FGGY: variants seen among roughly 807,000 people sequenced by gnomAD.
FGGY encodes FGGY carbohydrate kinase domain-containing protein.
FGGY carries 72 observed loss-of-function variants against 71.3 expected under a neutral mutation model. That is an observed-to-expected ratio of 1.01 (90% CI 0.84 to 1.23). FGGY has a LOEUF of 1.23. Among genes scored for constraint, FGGY ranks in the 50% most tolerant of loss-of-function variants. The pLI, the probability that FGGY is intolerant of heterozygous loss-of-function variation, is 0.00. For synonymous variants in FGGY, 251 were observed against 250.3 expected (o/e 1.00, Z -0.02); for missense variants, 668 against 682.3 (o/e 0.98, Z 0.23).
chr1:59,347,241 C>T, intron 4 of FGGY, among the ~76,000 whole-genome samples: 1 of 102,264 alleles, frequency 9.8e-6, no homozygotes. Context: ...TGCTATCCCT[C>T]CCCCCTCCCC....
intron 8 of FGGY, among the ~76,000 whole-genome samples, chr1:59,558,032 C>T (rs1025848526): frequency 4.6e-5 from 7 of 152,156 alleles, no homozygotes; most frequent in South Asian, 2.1e-4. Context: ...GACATAGGCT[C>T]ATACGCTGCC....
intron 8 of FGGY, among the ~76,000 whole-genome samples, chr1:59,582,351 G>T (rs2153750874): frequency 6.7e-6 from 1 of 150,124 alleles, no homozygotes; most frequent in East Asian, 1.9e-4. Flanking sequence ...TCTGTCAGTT[G>T]GAATCATGTT....
chr1:59,607,991 C>A, intron 9 of FGGY, 81 bp downstream of exon 9: 1 of 1,146,818 alleles, frequency 8.7e-7, no homozygotes, highest in East Asian at 2.4e-5. Context: ...CCCATATACC[C>A]AATATCTGGA....
chr1:59,421,556 C>T (rs1314834548), intron 5 of FGGY, among the ~76,000 whole-genome samples: 2 of 150,292 alleles, frequency 1.3e-5, no homozygotes, highest in Non-Finnish European at 3.0e-5. Flanking sequence ...TCTTTTTTCC[C>T]TCCCCTCCTC....
At chr1:59,546,726 T>C (rs1212179281) in intron 7 of FGGY, among the ~76,000 whole-genome samples, 1 of 151,898 alleles carries the variant, frequency 6.6e-6, no homozygotes, top group African/African-American at 2.4e-5. Context: ...TTTGTATTTT[T>C]AGTAGAGACA....
chr1:59,697,069 CA>C (rs922752827), intron 14 of FGGY, among the ~76,000 whole-genome samples: 2 of 152,044 alleles, frequency 1.3e-5, no homozygotes, highest in Admixed American at 6.6e-5. Flanking sequence ...ACCTTTACTT[CA>C]AAAAATTTGA....
intron 14 of FGGY, among the ~76,000 whole-genome samples, chr1:59,675,545 T>G (rs1455649765): frequency 6.6e-6 from 1 of 152,236 alleles, no homozygotes; most frequent in Admixed American, 6.5e-5. Context: ...TGAATTCTTG[T>G]GGATTCTGAG....
At chr1:59,311,304 G>T (rs1445756673) in intron 1 of FGGY, among the ~76,000 whole-genome samples, 1 of 150,996 alleles carries the variant, frequency 6.6e-6, no homozygotes, top group East Asian at 1.9e-4. Flanking sequence ...GGATACATGT[G>T]TAGAACCTGC....
intron 11 of FGGY, among the ~76,000 whole-genome samples, chr1:59,658,692 G>T (rs1476134806): frequency 6.6e-6 from 1 of 152,188 alleles, no homozygotes; most frequent in African/African-American, 2.4e-5. Flanking sequence ...AACACGATCA[G>T]ATTTGCATTT....
At chr1:59,608,912 A>G (rs977290391) in intron 9 of FGGY, among the ~76,000 whole-genome samples, 1 of 152,242 alleles carries the variant, frequency 6.6e-6, no homozygotes, top group Non-Finnish European at 1.5e-5. Flanking sequence ...AAGGTACTTA[A>G]TACAAACTTG....
At chr1:59,359,614 C>T (rs558926959) in intron 4 of FGGY, among the ~76,000 whole-genome samples, 1 of 152,274 alleles carries the variant, frequency 6.6e-6, no homozygotes, top group South Asian at 2.1e-4. Context: ...CTAAGACCTC[C>T]CTGGAGGCTT....
At chr1:59,347,481 C>A (rs1035804876) in intron 4 of FGGY, among the ~76,000 whole-genome samples, 1 of 152,090 alleles carries the variant, frequency 6.6e-6, no homozygotes, top group African/African-American at 2.4e-5. Flanking sequence ...GCCACATTTT[C>A]TTAATCCAGT....
chr1:59,316,715 C>T (rs2045520615), intron 1 of FGGY, among the ~76,000 whole-genome samples: 1 of 152,138 alleles, frequency 6.6e-6, no homozygotes, highest in Non-Finnish European at 1.5e-5. Context: ...TCAGTCCAGT[C>T]CATGCTGAGG....
chr1:59,402,833 G>A (rs891561014), intron 5 of FGGY, among the ~76,000 whole-genome samples: 4 of 152,122 alleles, frequency 2.6e-5, no homozygotes, highest in African/African-American at 9.7e-5. Context: ...AATCATAGGG[G>A]CATAGGGTCA....
At chr1:59,484,918 T>TA (rs1229979780) in intron 6 of FGGY, among the ~76,000 whole-genome samples, 1 of 152,174 alleles carries the variant, frequency 6.6e-6, no homozygotes, top group Non-Finnish European at 1.5e-5. Context: ...TCCAGCTCTT[T>TA]AAAATGGTTC....
chr1:59,574,934 G>A lies in FGGY; in HGVS notation c.903+20707G>A, dbSNP rs140020106. Among the ~76,000 whole-genome samples the A allele has an allele frequency of 1.1e-3, 162 of 152,182 alleles. 3 individuals carry two copies. The East Asian group carries it at 0.029, about 27-fold the overall frequency. ...TTAATATAGGTTGCTGAGAAAAATA[G>A]TTATCTTTTATGGTTTTTAAAAAGT... On this transcript the variant is annotated intron_variant, in intron 8 of 15. Transcript: ENST00000303721.
In FGGY at chr1:59,353,187, T is replaced by C. The variant is rs1570849046; in HGVS notation, c.465+6789T>C. Among the ~76,000 whole-genome samples, 3 of 152,270 alleles carry C rather than the reference T, an allele frequency of 2.0e-5. No homozygotes were observed. The South Asian group carries it at 6.2e-4, about 32-fold the overall frequency. Reference sequence around the variant, plus strand: ...GTGCTGAGCTATAAAATGAGGACAATAGTATCAGTCTTGTAGAGTTATGAG... The same window carrying C: ...GTGCTGAGCTATAAAATGAGGACAACAGTATCAGTCTTGTAGAGTTATGAG... On this transcript the variant is annotated intron_variant, in intron 4 of 15. Coordinates refer to ENST00000303721, the MANE Select transcript of FGGY (RefSeq NM_018291.5).
chr1:59,720,721 T>TG (rs1425622691), intron 14 of FGGY, among the ~76,000 whole-genome samples: 1 of 152,274 alleles, frequency 6.6e-6, no homozygotes, highest in East Asian at 1.9e-4. Flanking sequence ...TGTGCCTGCC[T>TG]GGGGGAGGGA....
chr1:59,429,820 G>A (rs1430140403), intron 5 of FGGY, among the ~76,000 whole-genome samples: 1 of 152,210 alleles, frequency 6.6e-6, no homozygotes, highest in African/African-American at 2.4e-5. Flanking sequence ...AAGCTGCCTG[G>A]GAGATCTGGA....
Sources: gnomAD v4.1 joint callset for allele counts (sites outside exome capture counted in the v4.1 genomes callset) on GRCh38, gnomAD v4.1.1 for gene constraint, MANE v1.5 for transcripts, NCBI Gene and HGNC (gene_info 2026-07-23, HGNC 2026-07-21) for gene names.